The following PRPF6 variants were observed in gnomAD, a reference collection of about 807,000 sequenced individuals.
PRPF6 encodes pre-mRNA processing factor 6.
Under a neutral mutation model 118.3 loss-of-function variants are expected in PRPF6, and 42 were observed. That is an observed-to-expected ratio of 0.35 (90% CI 0.28 to 0.46). The LOEUF (loss-of-function observed/expected upper bound fraction) is 0.46, where lower values mean the gene tolerates loss of function less well. Among genes scored for constraint, PRPF6 ranks in the 20% least tolerant of loss-of-function variants. The pLI, the probability that PRPF6 is intolerant of heterozygous loss-of-function variation, is 1.00. For synonymous variants in PRPF6, 481 were observed against 485.1 expected, an observed-to-expected ratio of 0.99 and a Z score of 0.11; for missense variants, 662 against 1,255.7, an observed-to-expected ratio of 0.53 and a Z score of 7.15.
chr20:63,991,953 C>G (rs1601511798), intron 3 of PRPF6, among the ~76,000 whole-genome samples: 1 of 152,142 alleles, frequency 6.6e-6, no homozygotes, highest in East Asian at 1.9e-4. Flanking sequence ...AGCTGTGCAG[C>G]TGAGCTGAGT....
At chr20:64,030,089 A>G (rs1314796544) in intron 19 of PRPF6, among the ~76,000 whole-genome samples, 1 of 152,238 alleles carries the variant, frequency 6.6e-6, no homozygotes, top group Non-Finnish European at 1.5e-5. Flanking sequence ...CTCTAGGCAC[A>G]TGTGGGCAAA....
chr20:63,995,836 T>A (rs1402564285), intron 6 of PRPF6, among the ~76,000 whole-genome samples: 2 of 152,036 alleles, frequency 1.3e-5, no homozygotes, highest in Non-Finnish European at 2.9e-5. Context: ...TTTGTATTTT[T>A]TGTAGAGACG....
At chr20:64,023,594 C>T (rs2123088799) in intron 13 of PRPF6, among the ~76,000 whole-genome samples, 1 of 147,502 alleles carries the variant, frequency 6.8e-6, no homozygotes, top group Non-Finnish European at 1.5e-5. Context: ...GATTTAATCT[C>T]AGCCTCTTCA....
intron 12 of PRPF6, among the ~76,000 whole-genome samples, chr20:64,017,297 C>G (rs1410769514): frequency 2.0e-5 from 3 of 148,594 alleles, no homozygotes; most frequent in Admixed American, 2.0e-4. Context: ...TCCCAAAGTG[C>G]TGGGATCACA....
intron 8 of PRPF6, among the ~76,000 whole-genome samples, chr20:64,000,226 C>T (rs1217959848): frequency 2.0e-5 from 3 of 152,132 alleles, no homozygotes; most frequent in African/African-American, 4.8e-5. Context: ...CGGTGGCTCA[C>T]GCCTGTAATC....
Position 64,027,758 on chromosome 20 carries a change from C to T in PRPF6, c.2339+22C>T. On this transcript the variant is annotated intron_variant, in intron 17 of 20. Transcript: ENST00000266079. The surrounding 1 kb of genome is among the most constrained non-coding windows in gnomAD (Gnocchi z 6.5). ...TGTGGTGAGTCCTGGAGGGGGCAGC[C>T]TGGCCTCTGGGCACAGCTTCCCCAT... 1 of 1,613,292 alleles carries T rather than the reference C, an allele frequency of 6.2e-7. No individual in the cohort carries two copies. Among genetic ancestry groups the T allele is most frequent in the Non-Finnish European group, 8.5e-7 (1 of 1,179,984 alleles).
rs376873424 is a variant in PRPF6 at position 64,007,653 on chromosome 20, GAC to G, written c.1187-2545_1187-2544del. ...AGCTAATTTTTGTATTTTTTGTAGA[GAC>G]AGGGTTTCGCCATGTTGTCCAGGCT... On this transcript the variant is annotated intron_variant, in intron 9 of 20. Coordinates refer to ENST00000266079, the MANE Select transcript of PRPF6 (RefSeq NM_012469.4). Among the ~76,000 whole-genome samples the G allele has an allele frequency of 1.9e-3, 291 of 151,794 alleles. 6 individuals carry two copies. The highest frequency in any genetic ancestry group is 6.7e-3 in the African/African-American group (279 of 41,390).
rs754435873 is a variant in PRPF6 at position 63,999,744 on chromosome 20, G to C, written c.1008G>C (p.Thr336=). The C allele has an allele frequency of 6.2e-7, 1 of 1,614,016 alleles. No homozygotes were observed. The highest frequency in any genetic ancestry group is 8.5e-7 in the Non-Finnish European group (1 of 1,180,018). ...CTCGGAACCTTATCATGAAGGGGAC[G>C]GAGATGTGCCCCAAGGTGAGGTATT... is the stretch of plus-strand genomic sequence containing the variant. ...QVARNLIMKG[T]EMCPKSEDVW... The change falls in exon 8 of 21, where the codon ACG becomes ACC. Residue 336 remains threonine (T), a synonymous_variant. Transcript: ENST00000266079.
At chr20:63,999,548 T>G (rs1392457558) in intron 7 of PRPF6, 55 bp from the exon 8 acceptor site, 2 of 1,607,536 alleles carry the variant, frequency 1.2e-6, no homozygotes, top group Non-Finnish European at 1.7e-6. Flanking sequence ...ATCCCAGGTC[T>G]CGGGTGCACC....
chr20:64,030,146 AC>A (rs1252899205), intron 19 of PRPF6, among the ~76,000 whole-genome samples: 1 of 152,106 alleles, frequency 6.6e-6, no homozygotes, highest in Non-Finnish European at 1.5e-5. Flanking sequence ...GCCATCCCCG[AC>A]CCCCAGGGTC....
intron 14 of PRPF6, 45 bp downstream of exon 14, chr20:64,024,738 A>C: frequency 6.3e-7 from 1 of 1,599,878 alleles, no homozygotes; most frequent in Non-Finnish European, 8.5e-7. Flanking sequence ...TGCACACAGG[A>C]GCTGACCTGG....
At chr20:63,993,648 A>C (rs576330707) in intron 4 of PRPF6, among the ~76,000 whole-genome samples, 163 bp downstream of exon 4, 1 of 151,756 alleles carries the variant, frequency 6.6e-6, no homozygotes, top group East Asian at 1.9e-4. Flanking sequence ...GTTTAATTAT[A>C]TGTGTGTAAA....
At chr20:64,024,222 A>G (rs1272560044) in intron 13 of PRPF6, among the ~76,000 whole-genome samples, 1 of 152,198 alleles carries the variant, frequency 6.6e-6, no homozygotes, top group African/African-American at 2.4e-5. Flanking sequence ...TCTGTGGTTC[A>G]AGATGAAAAG....
intron 6 of PRPF6, among the ~76,000 whole-genome samples, chr20:63,997,989 T>TGGAC (rs1424481956): frequency 5.9e-5 from 9 of 152,350 alleles, no homozygotes. Context: ...GACGGACACT[T>TGGAC]GGACCACTTT....
chr20:63,991,781 T>C (rs1569212796), intron 3 of PRPF6, among the ~76,000 whole-genome samples: 2 of 151,618 alleles, frequency 1.3e-5, no homozygotes, highest in African/African-American at 4.9e-5. Flanking sequence ...AGAGTGAGAC[T>C]GTCTCAAAGA....
chr20:63,981,638 G>A (rs896007792), intron 1 of PRPF6, among the ~76,000 whole-genome samples: 2 of 148,156 alleles, frequency 1.3e-5, no homozygotes, highest in Non-Finnish European at 3.0e-5. Flanking sequence ...AGGTCGGGCT[G>A]ACACTCCCCC....
intron 5 of PRPF6, 49 bp downstream of exon 5, chr20:63,995,141 C>G: frequency 6.2e-7 from 1 of 1,610,658 alleles, no homozygotes; most frequent in Non-Finnish European, 8.5e-7. Context: ...CCTGTTAGAT[C>G]AGTGGCAGGA....
In PRPF6 at chr20:64,011,484, A is replaced by G. The variant is rs867500568; in HGVS notation, c.1505A>G (p.Asn502Ser). 1.9e-6 allele frequency: 3 copies of G among 1,613,382 alleles called. No individual in the cohort carries two copies. Among genetic ancestry groups the G allele is most frequent in the Non-Finnish European group, 2.5e-6 (3 of 1,179,964 alleles). The change falls in exon 11 of 21, where the codon AAC becomes AGC. Residue 502 changes from asparagine (N) to serine (S), a missense_variant. Physicochemically the swap from Asn to Ser is conservative, Grantham distance 46. Coordinates refer to ENST00000266079, the MANE Select transcript of PRPF6 (RefSeq NM_012469.4). This position sits in a 1 kb window ranked among gnomAD's most constrained non-coding sequence, Gnocchi z 6.7. ...TSLRANGVEI[N>S]REQWIQDAEE... ...CTGCGGGCCAACGGTGTGGAGATCA[A>G]CCGTGAGCAGTGGATCCAGGTGGGC...
chr20:64,032,974 G>A lies in PRPF6; in HGVS notation c.2807G>A (p.Arg936His), dbSNP rs748739869. 60 of 1,613,298 alleles carry A rather than the reference G, an allele frequency of 3.7e-5. No homozygotes were observed. The highest frequency in any genetic ancestry group is 4.7e-5 in the Non-Finnish European group (56 of 1,180,046). Residue 936 changes from arginine to histidine, a missense_variant, in exon 21 of 21, where the codon CGC becomes CAC. Arg to His is a conservative substitution (Grantham distance 29). Coordinates refer to ENST00000266079, the MANE Select transcript of PRPF6 (RefSeq NM_012469.4). The part of the protein sequence containing the change: ...IGDILRLVAG[R>H]IKNTF ...GACATCCTTAGGCTGGTGGCCGGCC[G>A]CATCAAGAACACCTTCTGATTGAGC...
Sources: allele counts gnomAD v4.1 joint callset (sites outside exome capture counted in the v4.1 genomes callset), GRCh38; gene constraint gnomAD v4.1.1; non-coding constraint Gnocchi (gnomAD v3.1); transcripts MANE v1.5; gene names NCBI Gene and HGNC (gene_info 2026-07-23, HGNC 2026-07-21).